The following CPSF6 variants were observed in gnomAD, a reference collection of about 807,000 sequenced individuals.
The protein encoded by CPSF6 is cleavage and polyadenylation specific factor 6.
Under a neutral mutation model 56.7 loss-of-function variants are expected in CPSF6, and 10 were observed. That is an observed-to-expected ratio of 0.18 (90% confidence interval 0.11 to 0.30). CPSF6 has a LOEUF of 0.30. Among genes scored for constraint, CPSF6 ranks in the 10% least tolerant of loss-of-function variants. The pLI is 1.00. For missense variants in CPSF6, 419 were observed against 722.9 expected (o/e 0.58, Z 4.82); for synonymous variants, 248 against 244.8 (o/e 1.01, Z -0.12).
At chr12:69,240,445 G>A (rs1162035076) in intron 1 of CPSF6, among the ~76,000 whole-genome samples, 2 of 152,194 alleles carry the variant, frequency 1.3e-5, no homozygotes, top group African/African-American at 4.8e-5. Context: ...AGGGCTTGCA[G>A]TGCTTTGAAG....
intron 1 of CPSF6, among the ~76,000 whole-genome samples, chr12:69,250,031 A>G (rs1413428166): frequency 6.6e-6 from 1 of 152,194 alleles, no homozygotes; most frequent in Non-Finnish European, 1.5e-5. Context: ...ACTGAGAATA[A>G]TACAACTTGC....
At chr12:69,249,537 G>A (rs541610847) in intron 1 of CPSF6, among the ~76,000 whole-genome samples, 3 of 152,192 alleles carry the variant, frequency 2.0e-5, no homozygotes, top group African/African-American at 7.2e-5. Context: ...GAATCTGTAA[G>A]TTACGTCTGA....
rs1373569951 is a variant in CPSF6 at position 69,271,573 on chromosome 12, C to T, written c.*2065C>T. 1 of 151,680 alleles carries T rather than the reference C, an allele frequency of 6.6e-6. No homozygotes were observed. The highest frequency in any genetic ancestry group is 1.5e-5 in the Non-Finnish European group (1 of 67,670). The allele number at this position is 151,680 out of a possible 1,614,324, so 9.4% of individuals were successfully genotyped here. ...CCTTTTAATTGCTCCTTCTATATCA[C>T]TCTTCTCCTTGCTTGGCTGATCTCA... On this transcript the variant is annotated 3_prime_UTR_variant, in exon 10 of 10. Transcript: ENST00000435070.
intron 1 of CPSF6, among the ~76,000 whole-genome samples, chr12:69,246,625 T>C (rs1871922641): frequency 6.6e-6 from 1 of 152,226 alleles, no homozygotes; most frequent in African/African-American, 2.4e-5. Context: ...TCTTTAAAAA[T>C]GTATGCATTA....
intron 1 of CPSF6, among the ~76,000 whole-genome samples, chr12:69,240,141 C>CGCCGCCCCTTCCCCGCCGCT (rs1871532263): frequency 1.3e-5 from 2 of 151,882 alleles, no homozygotes; most frequent in Non-Finnish European, 2.9e-5. Flanking sequence ...TGCCCGCCGC[C>CGCCGCCCCTTCCCCGCCGCT]GCCGCCCCTT....
At position 69,258,812 on chromosome 12, in the gene CPSF6, C is replaced by G; in HGVS notation, c.917C>G (p.Pro306Arg). 1.2e-6 allele frequency: 2 copies of G among 1,613,944 alleles called. No homozygotes were observed. Among genetic ancestry groups the G allele is most frequent in the South Asian group, 1.1e-5 (1 of 91,054 alleles). Residue 306 changes from proline to arginine, a missense_variant, in exon 6 of 10, where the codon CCT becomes CGT. By Grantham distance (103) the Pro-to-Arg change is moderately radical. Transcript: ENST00000435070. This position sits in a 1 kb window ranked among gnomAD's most constrained non-coding sequence, Gnocchi z 4.2. Reference sequence around the variant, plus strand: ...CCTCCAGTTCCAGGCTACGGCCCCCCTCCTGGCCCACCACCTCCACAACAG... The same window carrying G: ...CCTCCAGTTCCAGGCTACGGCCCCCGTCCTGGCCCACCACCTCCACAACAG... ...PPPPVPGYGP[P>R]PGPPPPQQGP...
At chr12:69,244,965 A>G (rs1011130774) in intron 1 of CPSF6, among the ~76,000 whole-genome samples, 2 of 152,108 alleles carry the variant, frequency 1.3e-5, no homozygotes, top group African/African-American at 2.4e-5. Flanking sequence ...GATTAAAAGT[A>G]TGGTATAGTT....
chr12:69,265,849 A>G (rs1215577164), intron 9 of CPSF6, among the ~76,000 whole-genome samples: 3 of 151,834 alleles, frequency 2.0e-5, no homozygotes, highest in African/African-American at 4.8e-5. Context: ...TGATCCACCC[A>G]TCTCTGCCTC....
chr12:69,259,365 C>G, intron 6 of CPSF6, 63 bp from the exon 7 acceptor site: 1 of 1,569,128 alleles, frequency 6.4e-7, no homozygotes, highest in South Asian at 1.2e-5. Flanking sequence ...TTGCTATACA[C>G]TGTTGTGACT....
At position 69,249,152 on chromosome 12, in the gene CPSF6, C is replaced by CGGTG. The variant is rs1491257320; in HGVS notation, c.61-1975_61-1974insTGGG. ...GCGGGCGCCTGTAGTCCCAGCTACT[C>CGGTG]GGGGGGGGGGGGGGGGGCTGAGGCA... On this transcript the variant is annotated intron_variant, in intron 1 of 9. Coordinates refer to ENST00000435070, the MANE Select transcript of CPSF6 (RefSeq NM_007007.3). Among the ~76,000 whole-genome samples, 131 of 16,588 alleles carry CGGTG rather than the reference C, an allele frequency of 7.9e-3. 47 individuals carry two copies. Among genetic ancestry groups the CGGTG allele is most frequent in the African/African-American group, 0.02 (56 of 2,780 alleles). 10.9% of individuals were successfully genotyped at this position (16,588 alleles called of 152,430 possible). A position where few individuals can be genotyped will look rare whatever the true frequency, so the allele number is the denominator to read the frequency against.
At chr12:69,262,295 T>A in intron 8 of CPSF6, 78 bp from the exon 9 acceptor site, 1 of 1,430,418 alleles carries the variant, frequency 7.0e-7, no homozygotes, top group East Asian at 2.3e-5. Context: ...TGCCTAAGTT[T>A]TTTTAGACAT....
Position 69,258,162 on chromosome 12 carries a change from A to C in CPSF6, c.694+257A>C. The C allele has an allele frequency of 7.3e-7, 1 of 1,368,094 alleles. No homozygotes were observed. 84.7% of individuals were successfully genotyped at this position (1,368,094 alleles called of 1,614,324 possible). On this transcript the variant is annotated intron_variant, in intron 5 of 9. Transcript: ENST00000435070. This position sits in a 1 kb window ranked among gnomAD's most constrained non-coding sequence, Gnocchi z 4.2. ...GCCTAAAAGGTCTTTATTTTTCTCC[A>C]AACTTGCTTGACTTATATATAGAAT...
chr12:69,263,874 A>G (rs190708451), intron 9 of CPSF6, among the ~76,000 whole-genome samples: 80 of 152,216 alleles, frequency 5.3e-4, no homozygotes, highest in Non-Finnish European at 8.4e-4. Flanking sequence ...TGCATTTTGA[A>G]TATGCAGATT....
rs2120564510 is a variant in CPSF6, at chr12:69,258,334, T to C, written c.695-256T>C. On this transcript the variant is annotated intron_variant, in intron 5 of 9. Coordinates refer to ENST00000435070, the MANE Select transcript of CPSF6 (RefSeq NM_007007.3). The surrounding 1 kb of genome is among the most constrained non-coding windows in gnomAD (Gnocchi z 4.2). The stretch of plus-strand genomic sequence containing the variant: ...TGTGTGTACACGGAAAGATGGAAAA[T>C]ATCTCTAGGCATTGTAATATTTTTT... 1 of 588,514 alleles carries C rather than the reference T, an allele frequency of 1.7e-6. No homozygotes were observed. Among genetic ancestry groups the C allele is most frequent in the Non-Finnish European group, 2.9e-6 (1 of 344,982 alleles). The allele number at this position is 588,514 out of a possible 1,614,324, so 36.5% of individuals were successfully genotyped here. A position where few individuals can be genotyped will look rare whatever the true frequency, so the allele number is the denominator to read the frequency against.
Position 69,271,879 on chromosome 12 carries a change from A to C in CPSF6, c.*2371A>C, listed in dbSNP as rs1309914040. 1 of 151,736 alleles carries C rather than the reference A, an allele frequency of 6.6e-6. No individual in the cohort carries two copies. The highest frequency in any genetic ancestry group is 1.5e-5 in the Non-Finnish European group (1 of 67,666). 9.4% of individuals were successfully genotyped at this position (151,736 alleles called of 1,614,324 possible). ...ACAATCCAAAGAGATAAATCCTTGC[A>C]TAGACACCAAAAACAGTGTCTCAGA... On this transcript the variant is annotated 3_prime_UTR_variant, in exon 10 of 10. Transcript: ENST00000435070.
At chr12:69,259,897 G>C in intron 7 of CPSF6, 147 bp from the exon 8 acceptor site, 1 of 787,308 alleles carries the variant, frequency 1.3e-6, no homozygotes, top group Non-Finnish European at 2.0e-6. Context: ...TGCAAATGGT[G>C]AAACACTGAA....
At chr12:69,267,998 T>A (rs1487187711) in intron 9 of CPSF6, among the ~76,000 whole-genome samples, 2 of 151,820 alleles carry the variant, frequency 1.3e-5, no homozygotes, top group South Asian at 4.1e-4. Context: ...TTTTTCCCTC[T>A]TAATGACTTT....
chr12:69,251,047 CAAAAA>C (rs1872218581), intron 1 of CPSF6, 77 bp from the exon 2 acceptor site: 2 of 1,379,278 alleles, frequency 1.5e-6, no homozygotes, highest in South Asian at 1.4e-5. Flanking sequence ...ATTTTTAAAA[CAAAAA>C]GTTGAATTTG....
chr12:69,260,843 GCTCAAGTAATCCT>G (rs1373575065), intron 8 of CPSF6, among the ~76,000 whole-genome samples: 1 of 152,100 alleles, frequency 6.6e-6, no homozygotes, highest in Non-Finnish European at 1.5e-5. Context: ...GAACTCCTGG[GCTCAAGTAATCCT>G]CTCAGCTTGG....
Sources: allele counts gnomAD v4.1 joint callset (sites outside exome capture counted in the v4.1 genomes callset), GRCh38; gene constraint gnomAD v4.1.1; non-coding constraint Gnocchi (gnomAD v3.1); transcripts MANE v1.5; gene names NCBI Gene and HGNC (gene_info 2026-07-23, HGNC 2026-07-21).